The following EP300 variants were observed in gnomAD, a reference collection of about 807,000 sequenced individuals.
EP300 encodes histone acetyltransferase p300.
EP300 carries 31 observed loss-of-function variants against 264.0 expected under a neutral mutation model. That is an observed-to-expected ratio of 0.12 (90% CI 0.09 to 0.16). EP300 has a LOEUF of 0.16. EP300 is among the 10% of genes least tolerant of loss of function. The pLI is 1.00. For synonymous variants in EP300, 1,340 were observed against 1,045.4 expected (o/e 1.28, Z -5.44); for missense variants, 2,766 against 3,052.9 (o/e 0.91, Z 2.21).
intron 5 of EP300, among the ~76,000 whole-genome samples, chr22:41,130,262 AAAAAAAAAGAAAG>A (rs2058910546): frequency 1.3e-5 from 2 of 151,702 alleles, no homozygotes; most frequent in African/African-American, 4.8e-5. Context: ...ATTAAAAAAA[AAAAAAAAAGAAAG>A]AAAAAACAGT....
intron 11 of EP300, among the ~76,000 whole-genome samples, 181 bp downstream of exon 11, chr22:41,146,997 C>G (rs1001410104): frequency 5.3e-5 from 8 of 151,998 alleles, no homozygotes; most frequent in African/African-American, 1.9e-4. Flanking sequence ...ATTAAATGAT[C>G]AAGTATCCAT....
intron 1 of EP300, among the ~76,000 whole-genome samples, chr22:41,105,978 ATATTT>A (rs1296609903): frequency 1.3e-4 from 20 of 152,098 alleles, no homozygotes; most frequent in African/African-American, 3.4e-4. Flanking sequence ...TCCAGCATGG[ATATTT>A]TATTTTAATT....
chr22:41,092,919 T>G lies in EP300; in HGVS notation c.-86T>G. The G allele has an allele frequency of 2.0e-6, 3 of 1,481,178 alleles. No homozygotes were observed. Among genetic ancestry groups the G allele is most frequent in the Non-Finnish European group, 2.8e-6 (3 of 1,060,120 alleles). The allele number at this position is 1,481,178 out of a possible 1,614,324, so 91.8% of individuals were successfully genotyped here. ...CCGTCGGAGCCCCCCAGCCCACCCC[T>G]GGGTGCGGCGCGGGGACCCCGGGCC... On this transcript the variant is annotated 5_prime_UTR_variant, in exon 1 of 31. Coordinates refer to ENST00000263253, the MANE Select transcript of EP300 (RefSeq NM_001429.4).
At chr22:41,176,617 G>C (rs1037481071) in intron 30 of EP300, 89 bp downstream of exon 30, 25 of 1,606,922 alleles carry the variant, frequency 1.6e-5, no homozygotes, top group Non-Finnish European at 2.0e-5. Context: ...GAGGCCTGTG[G>C]GATGCTAGGG....
chr22:41,167,446 G>A (rs192293687), intron 23 of EP300, among the ~76,000 whole-genome samples: 1 of 151,530 alleles, frequency 6.6e-6, no homozygotes, highest in East Asian at 1.9e-4. Flanking sequence ...GTGTTTTACT[G>A]ATCTACAGAT....
In EP300 at chr22:41,170,561, A is replaced by G; in HGVS notation, c.4442A>G (p.His1481Arg). The G allele has an allele frequency of 5.0e-6, 8 of 1,613,352 alleles. No homozygotes were observed. The highest frequency in any genetic ancestry group is 1.7e-5 in the Admixed American group (1 of 59,970). ...AAGGCTGTATCAGAGCGTATTGTCC[A>G]TGACTACAAGGTCAGTTGGGACATA... ...LDKAVSERIV[H>R]DYKDIFKQAT... The change falls in exon 27 of 31, where the codon CAT becomes CGT. Residue 1481 changes from histidine (H) to arginine (R), a missense_variant. By Grantham distance (29) the His-to-Arg change is conservative (BLOSUM62 0). Coordinates refer to ENST00000263253, the MANE Select transcript of EP300 (RefSeq NM_001429.4).
At chr22:41,099,147 C>T (rs113498699) in intron 1 of EP300, among the ~76,000 whole-genome samples, 1 of 152,030 alleles carries the variant, frequency 6.6e-6, no homozygotes, top group Admixed American at 6.6e-5. Context: ...CTATGACAAC[C>T]TCCGTCTCCC....
chr22:41,158,846 T>A (rs1293614329), intron 19 of EP300: 1 of 268,042 alleles, frequency 3.7e-6, no homozygotes, highest in African/African-American at 2.2e-5. Flanking sequence ...ATTTTTAAAC[T>A]TTTAACTGAA....
In EP300 at chr22:41,127,766, G is replaced by A. The variant is rs3818120; in HGVS notation, c.1168+18G>A. On this transcript the variant is annotated intron_variant, in intron 4 of 30. Coordinates refer to ENST00000263253, the MANE Select transcript of EP300 (RefSeq NM_001429.4). Reference sequence around the variant, plus strand: ...TTGCCAAGGTAAGTGGACCCACAGGGTTACTGTACTTAGCAATTTTTACAG... The same window carrying A: ...TTGCCAAGGTAAGTGGACCCACAGGATTACTGTACTTAGCAATTTTTACAG... The A allele has an allele frequency of 0.012, 19,744 of 1,613,940 alleles. 1,435 individuals are homozygous for A. The East Asian group carries it at 0.18, about 15-fold the overall frequency.
chr22:41,093,204 C>T (rs929108092), intron 1 of EP300, 106 bp downstream of exon 1: 49 of 1,129,976 alleles, frequency 4.3e-5, no homozygotes, highest in Non-Finnish European at 5.3e-5. Context: ...AGTTCCCTGC[C>T]CCTTAATTAA....
Position 41,152,031 on chromosome 22 carries a change from C to T in EP300, c.2997+19C>T. 1 of 1,613,992 alleles carries T rather than the reference C, an allele frequency of 6.2e-7. No homozygotes were observed. Among genetic ancestry groups the T allele is most frequent in the South Asian group, 1.1e-5 (1 of 91,082 alleles). On this transcript the variant is annotated intron_variant, in intron 15 of 30. Transcript: ENST00000263253. The stretch of plus-strand genomic sequence containing the variant: ...TTCAGAGGTGAGAGTAGGGCAATTA[C>T]TGTTTGATTTGGTTAGGACCTCAGT...
At chr22:41,176,622 C>A (rs1402898294) in intron 30 of EP300, 94 bp downstream of exon 30, 29 of 1,606,564 alleles carry the variant, frequency 1.8e-5, no homozygotes, top group Non-Finnish European at 2.4e-5. Flanking sequence ...CTGTGGGATG[C>A]TAGGGGCTTG....
rs760225968 is a variant in EP300 at position 41,147,820 on chromosome 22, T to C, written c.2132-17T>C. On this transcript the variant is annotated splice_polypyrimidine_tract_variant and intron_variant, in intron 11 of 30. Transcript: ENST00000263253. ...TCACAAAGGCATTCAGATCTAACAT[T>C]TTGCTCATATTCACAGGTTTGAATC... 6.5e-7 allele frequency: 1 copy of C among 1,540,754 alleles called. No homozygotes were observed. Among genetic ancestry groups the C allele is most frequent in the South Asian group, 1.1e-5 (1 of 89,594 alleles).
Position 41,146,758 on chromosome 22 carries a change from A to G in EP300, c.2073A>G (p.Pro691=). 6.2e-7 allele frequency: 1 copy of G among 1,614,226 alleles called. No individual in the cohort carries two copies. Among genetic ancestry groups the G allele is most frequent in the Non-Finnish European group, 8.5e-7 (1 of 1,180,036 alleles). ...GMTSNGPLPD[P]SMIRGSVPNQ... Reference sequence around the variant, plus strand: ...CTCTAGATGGCCCTCTACCTGACCCAAGTATGATCCGTGGCAGTGTGCCAA... The same window carrying G: ...CTCTAGATGGCCCTCTACCTGACCCGAGTATGATCCGTGGCAGTGTGCCAA... The change falls in exon 11 of 31, where the codon CCA becomes CCG. Residue 691 remains proline, a synonymous_variant. Coordinates refer to ENST00000263253, the MANE Select transcript of EP300 (RefSeq NM_001429.4).
At chr22:41,122,822 G>A (rs1269465492) in intron 2 of EP300, among the ~76,000 whole-genome samples, 1 of 152,008 alleles carries the variant, frequency 6.6e-6, no homozygotes, top group East Asian at 1.9e-4. Context: ...TAGGCAGAAG[G>A]ATTGCTTGAG....
At chr22:41,115,320 T>C (rs753635231) in intron 1 of EP300, among the ~76,000 whole-genome samples, 8 of 152,096 alleles carry the variant, frequency 5.3e-5, no homozygotes, top group African/African-American at 9.7e-5. Flanking sequence ...CTAATGATAA[T>C]AGAGGGCACA....
At chr22:41,109,250 T>A in intron 1 of EP300, among the ~76,000 whole-genome samples, 1 of 101,536 alleles carries the variant, frequency 9.8e-6, no homozygotes. Flanking sequence ...CAAGACCCTG[T>A]CTCAAAAAAA....
chr22:41,144,853 A>T (rs2059001937), intron 10 of EP300, among the ~76,000 whole-genome samples: 1 of 152,150 alleles, frequency 6.6e-6, no homozygotes, highest in Non-Finnish European at 1.5e-5. Flanking sequence ...AATACTTAAA[A>T]ATCAGAAGAT....
chr22:41,147,901 T>G lies in EP300; in HGVS notation c.2196T>G (p.Pro732=), dbSNP rs565918870. The G allele has an allele frequency of 6.2e-6, 10 of 1,614,116 alleles. No homozygotes were observed. The highest frequency in any genetic ancestry group is 3.3e-4 in the Middle Eastern group (2 of 6,062). The change falls in exon 12 of 31, where the codon CCT becomes CCG. Residue 732 remains proline, a synonymous_variant. Coordinates refer to ENST00000263253, the MANE Select transcript of EP300 (RefSeq NM_001429.4). ...QPPIVPRQTP[P]LQHHGQLAQP... The stretch of plus-strand genomic sequence containing the variant: ...CTATTGTACCCCGGCAAACCCCTCC[T>G]CTTCAGCACCATGGACAGTTGGCTC...
Sources: allele counts gnomAD v4.1 joint callset (sites outside exome capture counted in the v4.1 genomes callset), GRCh38; gene constraint gnomAD v4.1.1; transcripts MANE v1.5; gene names NCBI Gene and HGNC (gene_info 2026-07-23, HGNC 2026-07-21).